Variants in NAA11 observed in about 807,000 individuals in gnomAD.
The protein encoded by NAA11 is N-alpha-acetyltransferase 11.
A neutral mutation model predicts 16.1 loss-of-function variants in NAA11; 15 were observed. The observed-to-expected ratio is 0.93, with a 90% CI of 0.62 to 1.44. The LOEUF (loss-of-function observed/expected upper bound fraction) is 1.44, where lower values mean the gene tolerates loss of function less well. NAA11 is among the 40% of genes most tolerant of loss of function. The pLI is 0.00. For missense variants in NAA11, 298 were observed against 291.3 expected (o/e 1.02, Z -0.17); for synonymous variants, 122 against 112.4 (o/e 1.09, Z -0.54).
the NAA11 span, among the ~76,000 whole-genome samples, chr4:79,163,573 G>C: frequency 6.6e-5 from 10 of 152,186 alleles, no homozygotes; most frequent in Non-Finnish European, 1.0e-4. Flanking sequence ...GGGAATTTTA[G>C]TTAATAGAAT....
the NAA11 span, among the ~76,000 whole-genome samples, chr4:79,189,432 T>C: frequency 6.6e-6 from 1 of 152,140 alleles, no homozygotes; most frequent in African/African-American, 2.4e-5. Flanking sequence ...AAGCTATTCT[T>C]TCCAAAAGAC....
chr4:79,192,544 C>T, the NAA11 span, among the ~76,000 whole-genome samples: 1 of 151,898 alleles, frequency 6.6e-6, no homozygotes, highest in Non-Finnish European at 1.5e-5. Flanking sequence ...CATGTCCCTA[C>T]AAAGGACATG....
chr4:79,251,215 G>A (rs536331866), intron 2 of NAA11, among the ~76,000 whole-genome samples: 1 of 152,234 alleles, frequency 6.6e-6, no homozygotes, highest in South Asian at 2.1e-4. Flanking sequence ...GGAAACACAT[G>A]AAATCAACAT....
At chr4:79,259,958 G>A (rs553668272) in intron 2 of NAA11, among the ~76,000 whole-genome samples, 19 of 152,294 alleles carry the variant, frequency 1.2e-4, no homozygotes, top group African/African-American at 4.6e-4. Context: ...TTTGATGGAA[G>A]CCCTAATGGG....
At chr4:79,173,545 C>T in the NAA11 span, among the ~76,000 whole-genome samples, 2 of 151,732 alleles carry the variant, frequency 1.3e-5, no homozygotes, top group Non-Finnish European at 2.9e-5. Flanking sequence ...TGATTAAGAA[C>T]ATAGATAAAT....
chr4:79,293,187 A>G (rs148842432), intron 2 of NAA11, among the ~76,000 whole-genome samples: 5 of 152,188 alleles, frequency 3.3e-5, no homozygotes, highest in Non-Finnish European at 7.4e-5. Flanking sequence ...AGTAGACCTC[A>G]TTTAAACCAC....
chr4:79,176,084 T>A, the NAA11 span, among the ~76,000 whole-genome samples: 1 of 152,174 alleles, frequency 6.6e-6, no homozygotes, highest in Admixed American at 6.6e-5. Flanking sequence ...TGTAAATTGA[T>A]CTTGACTCAA....
the NAA11 span, among the ~76,000 whole-genome samples, chr4:79,174,771 T>A: frequency 1.3e-5 from 2 of 152,070 alleles, no homozygotes; most frequent in African/African-American, 2.4e-5. Flanking sequence ...GCAAACAATG[T>A]GTATGATAAT....
intron 2 of NAA11, among the ~76,000 whole-genome samples, chr4:79,261,656 C>G (rs1722246531): frequency 6.6e-6 from 1 of 152,116 alleles, no homozygotes; most frequent in Non-Finnish European, 1.5e-5. Flanking sequence ...CCAGTGAGAC[C>G]ATGAGGTTTA....
chr4:79,230,280 G>C (rs926751298), intron 2 of NAA11, among the ~76,000 whole-genome samples: 3 of 151,790 alleles, frequency 2.0e-5, no homozygotes, highest in East Asian at 3.9e-4. Context: ...GTTGTGGGGT[G>C]GGGGGAGAGG....
chr4:79,266,053 T>C (rs1722336832), intron 2 of NAA11, among the ~76,000 whole-genome samples: 1 of 152,012 alleles, frequency 6.6e-6, no homozygotes, highest in Non-Finnish European at 1.5e-5. Flanking sequence ...CTGTCCAGGG[T>C]GGCTGTCTAT....
At chr4:79,201,521 A>T in the NAA11 span, among the ~76,000 whole-genome samples, 1 of 151,572 alleles carries the variant, frequency 6.6e-6, no homozygotes, top group African/African-American at 2.4e-5. Flanking sequence ...CAGGATGTTA[A>T]TTTTTTCACA....
chr4:79,241,977 A>G (rs750870813), intron 2 of NAA11, among the ~76,000 whole-genome samples: 4 of 152,200 alleles, frequency 2.6e-5, no homozygotes, highest in Non-Finnish European at 5.9e-5. Context: ...AACATTGTCA[A>G]TAGAGGGCAC....
rs760939371 is a variant in NAA11 at position 79,241,620 on chromosome 4, T to C, written c.*123-15350A>G. On this transcript the variant is annotated intron_variant and NMD_transcript_variant, in intron 2 of 2. Transcript: ENST00000511542. ...GGTGGAGATTAACTTTATAACTTAG[T>C]CTGTAAGTGACAGCATATTCAGTAG... is the stretch of plus-strand genomic sequence containing the variant. Among the ~76,000 whole-genome samples the C allele has an allele frequency of 4.9e-4, 74 of 152,210 alleles. 1 individual carries two copies. The highest frequency in any genetic ancestry group is 1.3e-4 in the Admixed American group (2 of 15,282).
downstream of NAA11, among the ~76,000 whole-genome samples, chr4:79,224,925 CA>C (rs1436391587): frequency 6.6e-6 from 1 of 151,958 alleles, no homozygotes; most frequent in Non-Finnish European, 1.5e-5. Flanking sequence ...AAGATCCGAC[CA>C]GTACTTCTCA....
At chr4:79,305,138 G>T (rs539013031) in intron 1 of NAA11, 1 of 152,134 alleles carries the variant, frequency 6.6e-6, no homozygotes, top group East Asian at 1.9e-4. Context: ...AATGCTGCCG[G>T]GACTGACCCA....
rs1013168840 is a variant in NAA11, at chr4:79,248,806, C to T, written c.*123-22536G>A. Among the ~76,000 whole-genome samples the T allele has an allele frequency of 9.2e-5, 14 of 152,306 alleles. No homozygotes were observed. In the East Asian group the frequency reaches 1.4e-3, roughly 15 times the overall value. ...TGCCACCACTGCTGCTGTGAACACC[C>T]GCAGGAGACTGGCACTGCACTGTAC... is the stretch of plus-strand genomic sequence containing the variant. On this transcript the variant is annotated intron_variant and NMD_transcript_variant, in intron 2 of 2. Transcript: ENST00000511542.
intron 2 of NAA11, among the ~76,000 whole-genome samples, chr4:79,231,090 T>C (rs1219234904): frequency 6.6e-6 from 1 of 152,014 alleles, no homozygotes; most frequent in Non-Finnish European, 1.5e-5. Flanking sequence ...TATTAAATGT[T>C]CCAGAAATGT....
intron 1 of NAA11, among the ~76,000 whole-genome samples, chr4:79,320,369 A>G (rs1240779357): frequency 6.6e-6 from 1 of 152,234 alleles, no homozygotes; most frequent in Admixed American, 6.5e-5. Context: ...ACTATCGATT[A>G]TATTAAGAGC....
Sources: allele counts gnomAD v4.1 joint callset (sites outside exome capture counted in the v4.1 genomes callset), GRCh38; gene constraint gnomAD v4.1.1; transcripts MANE v1.5; gene names NCBI Gene and HGNC (gene_info 2026-07-23, HGNC 2026-07-21).